PPP2R3B: variants seen among roughly 807,000 people sequenced by gnomAD.
PPP2R3B encodes the protein serine/threonine-protein phosphatase 2A regulatory subunit B'' subunit beta.
PPP2R3B carries 68 observed loss-of-function variants against 72.9 expected under a neutral mutation model. The observed-to-expected ratio is 0.93, with a 90% confidence interval of 0.77 to 1.14. The LOEUF (loss-of-function observed/expected upper bound fraction) is 1.14. Ranked by LOEUF, PPP2R3B falls within the 50% of genes most tolerant of loss-of-function variation. The probability of loss-of-function intolerance (pLI) is 0.00; values close to 1 mark genes in which losing one functional copy is unlikely to be tolerated. For synonymous variants in PPP2R3B, 466 were observed against 375.8 expected (o/e 1.24, Z -2.78); for missense variants, 1,018 against 842.0 (o/e 1.21, Z -2.59).
rs2071536203 is a variant in PPP2R3B at position 361,399 on chromosome X, A to G, written c.510+6T>C. ...GGCTGCTCCACGTCCCACGCGTGAC[A>G]CGTACCTTGGCCACCAGGCCCATGT... On this transcript the variant is annotated splice_donor_region_variant and intron_variant, in intron 2 of 12. Coordinates refer to ENST00000390665, the MANE Select transcript of PPP2R3B (RefSeq NM_013239.5). The G allele has an allele frequency of 3.1e-6, 5 of 1,613,928 alleles. No individual in the cohort carries two copies. Among genetic ancestry groups the G allele is most frequent in the Non-Finnish European group, 2.5e-6 (3 of 1,179,822 alleles).
At chrX:336,960 G>C (rs1408442852) in intron 12 of PPP2R3B, 2 of 152,210 alleles carry the variant, frequency 1.3e-5, no homozygotes, top group African/African-American at 4.8e-5. Context: ...CAGATTGTTT[G>C]TTTTTGTTTT....
At chrX:362,870 A>G (rs2124217221) in intron 1 of PPP2R3B, among the ~76,000 whole-genome samples, 1 of 151,812 alleles carries the variant, frequency 6.6e-6, no homozygotes, top group Non-Finnish European at 1.5e-5. Context: ...CTACTGCCAC[A>G]GTATCCTCAC....
At chrX:338,477 C>T (rs1227272895) in intron 12 of PPP2R3B, 127 bp downstream of exon 12, 29 of 953,940 alleles carry the variant, frequency 3.0e-5, no homozygotes, top group Admixed American at 8.2e-5. Flanking sequence ...TCTGTGTCCG[C>T]GCACCCCACC....
rs1345732602 is a variant in PPP2R3B at position 346,198 on chromosome X, C to G, written c.855G>C (p.Glu285Asp). The G allele has an allele frequency of 1.9e-6, 3 of 1,565,822 alleles. No individual in the cohort carries two copies. The highest frequency in any genetic ancestry group is 1.2e-5 in the South Asian group (1 of 85,356). ...CCTGCAGGAAGGAGCTCCTCCGCAG[C>G]TCGGCGCAGGTGATCCTGCCGGACC... The part of the protein sequence containing the change: ...RSWSGRITCA[E>D]LRRSSFLQNV... The change falls in exon 6 of 13, where the codon GAG (glutamate) becomes GAC (aspartate). Residue 285 changes from glutamate (E) to aspartate (D), a missense_variant. Coordinates refer to ENST00000390665, the MANE Select transcript of PPP2R3B (RefSeq NM_013239.5).
intron 1 of PPP2R3B, among the ~76,000 whole-genome samples, chrX:379,185 G>A (rs2072066880): frequency 6.6e-6 from 1 of 151,308 alleles, no homozygotes; most frequent in African/African-American, 2.4e-5. Flanking sequence ...ATGGACCTAT[G>A]TATGTGTGTA....
intron 3 of PPP2R3B, 79 bp from the exon 4 acceptor site, chrX:347,415 TGTGGTGTTCCACGTGGTGC>T: frequency 7.1e-7 from 1 of 1,403,598 alleles, no homozygotes; most frequent in Non-Finnish European, 1.0e-6. Flanking sequence ...GGAACACGTG[TGTGGTGTTCCACGTGGTGC>T]GTGGCAGGTG....
intron 7 of PPP2R3B, chrX:342,381 T>G (rs369774368): frequency 0.063 from 3,606 of 56,884 alleles, 16 homozygotes; most frequent in South Asian, 0.077. Flanking sequence ...GAGGCGGGAG[T>G]GAGACCTCAG....
At chrX:378,774 CACA>C (rs1205964858) in intron 1 of PPP2R3B, among the ~76,000 whole-genome samples, 3 of 152,158 alleles carry the variant, frequency 2.0e-5, no homozygotes, top group African/African-American at 4.8e-5. Context: ...CCTTCCTCCT[CACA>C]ACGAGACTCT....
intron 7 of PPP2R3B, among the ~76,000 whole-genome samples, chrX:344,234 GGAGGCCGGAGT>G (rs2071145483): frequency 2.7e-5 from 3 of 112,208 alleles, no homozygotes; most frequent in Non-Finnish European, 4.1e-5. Context: ...CTCACCAACG[GGAGGCCGGAGT>G]GAGACCTCAC....
chrX:353,889 GAC>G (rs2071382121), intron 2 of PPP2R3B, among the ~76,000 whole-genome samples: 8 of 120,566 alleles, frequency 6.6e-5, no homozygotes, highest in African/African-American at 2.4e-4. Context: ...CTCACCCAAA[GAC>G]CGGGGGCTCA....
chrX:345,322 C>G (rs747024520), intron 7 of PPP2R3B, 194 bp downstream of exon 7: 17 of 825,904 alleles, frequency 2.1e-5, no homozygotes, highest in African/African-American at 1.9e-4. Flanking sequence ...GAGGCGCACG[C>G]GGGGACCCAG....
chrX:364,471 C>G (rs1233254301), intron 1 of PPP2R3B, among the ~76,000 whole-genome samples: 2 of 146,768 alleles, frequency 1.4e-5, no homozygotes, highest in African/African-American at 2.5e-5. Context: ...GAGTTCAAGA[C>G]CAGCCTGGGC....
At chrX:372,640 C>G (rs1310184407) in intron 1 of PPP2R3B, among the ~76,000 whole-genome samples, 1 of 152,196 alleles carries the variant, frequency 6.6e-6, no homozygotes, top group Non-Finnish European at 1.5e-5. Flanking sequence ...TTTTACTTCC[C>G]TGAGCACTTA....
intron 2 of PPP2R3B, among the ~76,000 whole-genome samples, chrX:354,527 A>C (rs2071402441): frequency 6.6e-6 from 1 of 152,230 alleles, no homozygotes; most frequent in Admixed American, 6.5e-5. Flanking sequence ...ATCCCGGACA[A>C]ACTTCAAGGC....
At chrX:384,912 G>C (rs2072210591) in intron 1 of PPP2R3B, among the ~76,000 whole-genome samples, 1 of 150,010 alleles carries the variant, frequency 6.7e-6, no homozygotes, top group Non-Finnish European at 1.5e-5. Flanking sequence ...TTGAACCCGG[G>C]AGGCGGAGGT....
At chrX:356,733 C>G (rs2071440777) in intron 2 of PPP2R3B, among the ~76,000 whole-genome samples, 1 of 152,210 alleles carries the variant, frequency 6.6e-6, no homozygotes, top group African/African-American at 2.4e-5. Flanking sequence ...ACACACACAG[C>G]AGAAGCTACT....
Position 340,810 on chromosome X carries a change from C to G in PPP2R3B, c.1306G>C (p.Asp436His). The G allele has an allele frequency of 1.2e-6, 2 of 1,608,800 alleles. No homozygotes were observed. Among genetic ancestry groups the G allele is most frequent in the African/African-American group, 2.7e-5 (2 of 73,542 alleles). Residue 436 changes from aspartate to histidine, a missense_variant, in exon 10 of 13, where the codon GAC becomes CAC. By Grantham distance (81) the Asp-to-His change is moderately conservative (BLOSUM62 -1). Transcript: ENST00000390665. Reference protein sequence around the residue: ...SMAIEALPFQDCLCQMLDLVK... With the variant: ...SMAIEALPFQHCLCQMLDLVK... ...AGGTCCAGCATCTGGCAGAGGCAGTCCTGGAAGGGCAGGGCCTCGATGGCC... is the reference window on the plus strand; with the variant it reads ...AGGTCCAGCATCTGGCAGAGGCAGTGCTGGAAGGGCAGGGCCTCGATGGCC...
intron 12 of PPP2R3B, chrX:335,709 G>A (rs1434327064): frequency 2.0e-5 from 3 of 152,268 alleles, no homozygotes; most frequent in Admixed American, 1.3e-4. Flanking sequence ...GGGAAGAGGA[G>A]TGAACCTCGT....
chrX:354,133 TGGGGGCTCACCCAAACACC>T (rs1470995463), intron 2 of PPP2R3B, among the ~76,000 whole-genome samples: 46 of 78,596 alleles, frequency 5.9e-4, no homozygotes, highest in African/African-American at 3.2e-3. Flanking sequence ...ACCCAAAGAC[TGGGGGCTCACCCAAACACC>T]GGGGGCTCAC....
Sources: gnomAD v4.1 joint callset for allele counts (sites outside exome capture counted in the v4.1 genomes callset) on GRCh38, gnomAD v4.1.1 for gene constraint, MANE v1.5 for transcripts, NCBI Gene and HGNC (gene_info 2026-07-23, HGNC 2026-07-21) for gene names.